RUVBL1: variants seen among roughly 807,000 people sequenced by gnomAD.
RUVBL1 encodes the protein ruvB-like 1.
A neutral mutation model predicts 52.4 loss-of-function variants in RUVBL1; 4 were observed. The ratio of observed to expected loss-of-function variants is 0.08; its 90% CI spans 0.04 to 0.17. The LOEUF (loss-of-function observed/expected upper bound fraction) is 0.17, where lower values mean the gene tolerates loss of function less well. Among genes scored for constraint, RUVBL1 ranks in the 10% least tolerant of loss-of-function variants. RUVBL1 has a pLI of 1.00. For synonymous variants in RUVBL1, 217 were observed against 214.4 expected (o/e 1.01, Z -0.10); for missense variants, 298 against 572.8 (o/e 0.52, Z 4.90).
At position 128,095,780 on chromosome 3, in the gene RUVBL1, C is replaced by T. The variant is rs139748104; in HGVS notation, c.1016+1520G>A. ...AATTATTTTTAGAGATGAGGTCTCA[C>T]TGTTGTCCAGGTGGGAGTGCGATAG... On this transcript the variant is annotated intron_variant, in intron 8 of 10. Coordinates refer to ENST00000322623, the MANE Select transcript of RUVBL1 (RefSeq NM_003707.3). Among the ~76,000 whole-genome samples, 19 of 152,198 alleles carry T rather than the reference C, an allele frequency of 1.2e-4. No individual in the cohort carries two copies. The East Asian group carries it at 3.7e-3, about 29-fold the overall frequency.
At chr3:128,126,525 A>G (rs562936813), upstream of RUVBL1, among the ~76,000 whole-genome samples, 59 of 152,042 alleles carry the variant, frequency 3.9e-4, 1 homozygote, top group African/African-American at 1.4e-3. Context: ...CAACCTGGGC[A>G]ACAGAGCAAG....
At chr3:128,104,541 A>G (rs1012741088) in intron 4 of RUVBL1, among the ~76,000 whole-genome samples, 3 of 152,254 alleles carry the variant, frequency 2.0e-5, no homozygotes, top group African/African-American at 4.8e-5. Context: ...TTTAACATGC[A>G]GAGTTTCCTA....
intron 8 of RUVBL1, among the ~76,000 whole-genome samples, chr3:128,095,745 G>GT (rs200233153): frequency 0.011 from 1,731 of 151,328 alleles, 27 homozygotes; most frequent in African/African-American, 0.036. Flanking sequence ...TGCATGTTTT[G>GT]TTTTTTTTTA....
chr3:128,138,089 C>T (rs754092894), intron 1 of RUVBL1, among the ~76,000 whole-genome samples: 9 of 152,144 alleles, frequency 5.9e-5, no homozygotes, highest in Non-Finnish European at 1.3e-4. Flanking sequence ...TAGTGTCATA[C>T]TGAATGGGGG....
At chr3:128,115,517 A>G (rs1020105306) in intron 2 of RUVBL1, among the ~76,000 whole-genome samples, 2 of 152,212 alleles carry the variant, frequency 1.3e-5, no homozygotes, top group African/African-American at 4.8e-5. Context: ...CCCTGCAGCA[A>G]ACCATTAAGC....
At chr3:128,065,685 C>G (rs1941951436) in intron 9 of RUVBL1, among the ~76,000 whole-genome samples, 1 of 150,800 alleles carries the variant, frequency 6.6e-6, no homozygotes, top group South Asian at 2.1e-4. Flanking sequence ...TAATAAAAAG[C>G]TATCTCTTTA....
At chr3:128,114,736 A>G (rs1943476976) in intron 2 of RUVBL1, among the ~76,000 whole-genome samples, 1 of 152,160 alleles carries the variant, frequency 6.6e-6, no homozygotes. Flanking sequence ...TTCTTCTAAG[A>G]GCAAAGGAAA....
intron 1 of RUVBL1, among the ~76,000 whole-genome samples, chr3:128,132,360 T>A (rs944795991): frequency 1.3e-5 from 2 of 152,158 alleles, no homozygotes; most frequent in African/African-American, 2.4e-5. Flanking sequence ...CTGCTAGGCT[T>A]GGAGCCAGTG....
intron 9 of RUVBL1, among the ~76,000 whole-genome samples, chr3:128,069,192 C>T (rs976142738): frequency 1.3e-5 from 2 of 152,166 alleles, no homozygotes; most frequent in African/African-American, 2.4e-5. Flanking sequence ...TTAAGAAAAA[C>T]CATGATGAAA....
chr3:128,113,319 C>A (rs1943437630), intron 2 of RUVBL1, among the ~76,000 whole-genome samples: 1 of 152,202 alleles, frequency 6.6e-6, no homozygotes, highest in Non-Finnish European at 1.5e-5. Context: ...CACTAGTATT[C>A]TCCCCATTTT....
In RUVBL1 at chr3:128,123,800, T is replaced by A; in HGVS notation, c.-76A>T. 3 of 1,490,610 alleles carry A rather than the reference T, an allele frequency of 2.0e-6. No homozygotes were observed. Among genetic ancestry groups the A allele is most frequent in the East Asian group, 2.4e-5 (1 of 41,266 alleles). The allele number at this position is 1,490,610 out of a possible 1,614,324, so 92.3% of individuals were successfully genotyped here. ...AGTGCGCCCGGCGCCTGAGTTACCA[T>A]GCGGCCGTTACTAGGGCAATTTGCA... is the stretch of plus-strand genomic sequence containing the variant. On this transcript the variant is annotated 5_prime_UTR_variant, in exon 1 of 11. The change abolishes an upstream ATG in the 5' untranslated region. Transcript: ENST00000322623.
chr3:128,072,067 G>A (rs1034388184), intron 9 of RUVBL1, among the ~76,000 whole-genome samples: 1 of 152,250 alleles, frequency 6.6e-6, no homozygotes, highest in Non-Finnish European at 1.5e-5. Context: ...GCTGGTGATT[G>A]GAGAAGTCTT....
At chr3:128,085,110 C>T (rs1310445123) in intron 9 of RUVBL1, 1 of 152,196 alleles carries the variant, frequency 6.6e-6, no homozygotes, top group Admixed American at 6.5e-5. Flanking sequence ...GTATGTTGTA[C>T]GTAGAGGACC....
intron 1 of RUVBL1, among the ~76,000 whole-genome samples, chr3:128,140,264 T>C (rs1429675839): frequency 1.4e-5 from 1 of 73,142 alleles, no homozygotes; most frequent in Admixed American, 1.4e-4. Flanking sequence ...AGTCTCCCTC[T>C]GTTACCCAGG....
chr3:128,089,250 G>C (rs893903243), intron 8 of RUVBL1, among the ~76,000 whole-genome samples: 8 of 152,238 alleles, frequency 5.3e-5, no homozygotes, highest in Non-Finnish European at 1.0e-4. Context: ...TAACACCCCA[G>C]GGAGGAACCT....
chr3:128,146,856 T>C (rs1944114556), intron 1 of RUVBL1, among the ~76,000 whole-genome samples: 1 of 152,236 alleles, frequency 6.6e-6, no homozygotes, highest in Non-Finnish European at 1.5e-5. Flanking sequence ...TTTGTGTCTC[T>C]GTGAGTGTGC....
At chr3:128,104,600 G>T (rs918893078) in intron 4 of RUVBL1, among the ~76,000 whole-genome samples, 173 bp downstream of exon 4, 1 of 152,156 alleles carries the variant, frequency 6.6e-6, no homozygotes, top group Non-Finnish European at 1.5e-5. Flanking sequence ...CTATGTGCAA[G>T]CCCTATGCTA....
chr3:128,093,421 C>T (rs1262105509), intron 8 of RUVBL1, among the ~76,000 whole-genome samples: 1 of 150,810 alleles, frequency 6.6e-6, no homozygotes, highest in Non-Finnish European at 1.5e-5. Flanking sequence ...GTGATGGTTG[C>T]ACAACTCTGT....
intron 8 of RUVBL1, among the ~76,000 whole-genome samples, chr3:128,094,575 GT>G (rs1180075377): frequency 6.6e-6 from 1 of 152,212 alleles, no homozygotes; most frequent in Admixed American, 6.5e-5. Context: ...TCAGGTTCCA[GT>G]GGCAACACTT....
Sources: allele counts gnomAD v4.1 joint callset (sites outside exome capture counted in the v4.1 genomes callset), GRCh38; gene constraint gnomAD v4.1.1; transcripts MANE v1.5; gene names NCBI Gene and HGNC (gene_info 2026-07-23, HGNC 2026-07-21).